Variants in MADD observed in about 807,000 individuals in gnomAD.
MADD encodes MAP kinase activating death domain, also known as MAP kinase-activating death domain protein.
In MADD, 109 loss-of-function variants were observed where a neutral mutation model predicts 176.7. The ratio of observed to expected loss-of-function variants is 0.62; its 90% confidence interval spans 0.53 to 0.72. MADD has a LOEUF of 0.72. MADD is among the 30% of genes least tolerant of loss of function. The probability of loss-of-function intolerance (pLI) is 0.00; values close to 1 mark genes in which losing one functional copy is unlikely to be tolerated. For synonymous variants in MADD, 771 were observed against 771.3 expected (o/e 1.00, Z 0.01); for missense variants, 1,914 against 2,045.5 (o/e 0.94, Z 1.24).
chr11:47,289,254 T>C lies in MADD; in HGVS notation c.2654-137T>C, dbSNP rs566338289. 8.6e-6 allele frequency: 7 copies of C among 815,786 alleles called. No homozygotes were observed. In the East Asian group the frequency reaches 1.7e-4, roughly 20 times the overall value. 50.5% of individuals were successfully genotyped at this position (815,786 alleles called of 1,614,324 possible). On this transcript the variant is annotated intron_variant, in intron 15 of 32. Coordinates refer to ENST00000402192, the Ensembl canonical transcript of MADD. ...CACATTGCCATGGCTGGTTTCTACC[T>C]ACGTATGATGCCTTGGTGCTACCCT...
chr11:47,295,632 T>C lies in MADD; in HGVS notation c.3483+56T>C, dbSNP rs1593224037. ...GTGGGTGGGGTGTGGATTTCCCCTT[T>C]GGAAAAGGGTGCTACTTTCTCTTTG... is the stretch of plus-strand genomic sequence containing the variant. On this transcript the variant is annotated intron_variant, in intron 21 of 32. Coordinates refer to ENST00000402192, the Ensembl canonical transcript of MADD. 3.1e-6 allele frequency: 5 copies of C among 1,611,724 alleles called. No individual in the cohort carries two copies. The East Asian group carries it at 1.1e-4, about 36-fold the overall frequency.
intron 25 of MADD, 64 bp downstream of exon 28, chr11:47,309,676 C>A: frequency 7.5e-7 from 1 of 1,328,662 alleles, no homozygotes; most frequent in Non-Finnish European, 1.1e-6. Flanking sequence ...GTTCCTGTCG[C>A]CTAAATTTCG....
intron 20 of MADD, among the ~76,000 whole-genome samples, chr11:47,294,996 C>T (rs371798491): frequency 1.3e-5 from 2 of 149,564 alleles, no homozygotes; most frequent in South Asian, 2.1e-4. Flanking sequence ...ACTTCTTTAA[C>T]GCATTGTTTT....
chr11:47,329,389 T>C, exon 33 of MADD: 2 of 555,686 alleles, frequency 3.6e-6, no homozygotes, highest in Non-Finnish European at 6.5e-6. Context: ...GGCTCAAGAA[T>C]GTGTACAGTC....
chr11:47,274,595 C>G, exon 3 of MADD: 2 of 1,613,966 alleles, frequency 1.2e-6, no homozygotes, highest in Non-Finnish European at 1.7e-6. Flanking sequence ...GCCCAGACTC[C>G]TGAATTGCTA....
At chr11:47,316,867 C>T (rs2093219838) in intron 27 of MADD, among the ~76,000 whole-genome samples, 4 of 151,998 alleles carry the variant, frequency 2.6e-5, no homozygotes, top group Admixed American at 2.6e-4. Flanking sequence ...CCTCAGCTGC[C>T]TGAGTAGCTG....
intron 15 of MADD, 95 bp downstream of exon 16, chr11:47,289,122 G>A (rs2063128016): frequency 1.7e-5 from 21 of 1,230,950 alleles, no homozygotes; most frequent in African/African-American, 3.1e-5. Context: ...AGCAAGCAGC[G>A]TCACATGAGT....
chr11:47,282,542 G>A, exon 9 of MADD: 2 of 1,614,186 alleles, frequency 1.2e-6, no homozygotes, highest in Non-Finnish European at 1.7e-6. Context: ...AAATTGGCCA[G>A]GACTCAGGCT....
chr11:47,290,887 C>G, intron 19 of MADD, 71 bp downstream of exon 20: 1 of 1,250,532 alleles, frequency 8.0e-7, no homozygotes, highest in Admixed American at 2.1e-5. Flanking sequence ...CTCAATTCAT[C>G]CAGAATCCTG....
At chr11:47,276,033 A>C in exon 4 of MADD, 2 of 1,614,196 alleles carry the variant, frequency 1.2e-6, no homozygotes, top group Non-Finnish European at 1.7e-6. Context: ...TCTGGGCAGA[A>C]GCGAGTAGAC....
intron 22 of MADD, 22 bp downstream of exon 24, chr11:47,296,077 A>G (rs752497659): frequency 9.3e-7 from 1 of 1,070,586 alleles, no homozygotes; most frequent in Non-Finnish European, 1.2e-6. Flanking sequence ...TTATTAACAA[A>G]AGAAAACCAT....
intron 22 of MADD, among the ~76,000 whole-genome samples, chr11:47,303,015 G>A (rs1390130828): frequency 6.6e-6 from 1 of 151,970 alleles, no homozygotes; most frequent in Non-Finnish European, 1.5e-5. Context: ...TTGTAAGGGT[G>A]TGATGACTTC....
chr11:47,313,310 C>CT (rs1215130526), intron 26 of MADD, among the ~76,000 whole-genome samples: 502 of 144,642 alleles, frequency 3.5e-3, no homozygotes, highest in East Asian at 0.011. Context: ...TATTTTCTTT[C>CT]TTTTTTTTTT....
chr11:47,308,891 GT>G, intron 23 of MADD, 88 bp from the exon 26 acceptor site: 2 of 1,310,600 alleles, frequency 1.5e-6, no homozygotes, highest in Non-Finnish European at 2.2e-6. Context: ...ACAAGATTGG[GT>G]TTTGGTGTTA....
intron 26 of MADD, among the ~76,000 whole-genome samples, chr11:47,312,548 T>C (rs1248682580): frequency 1.3e-5 from 2 of 152,196 alleles, no homozygotes; most frequent in Non-Finnish European, 2.9e-5. Context: ...TGCTTCAGCC[T>C]CCCGAGTAGC....
rs1321415343 is a variant in MADD, at chr11:47,290,908, C to T, written c.3301+92C>T. On this transcript the variant is annotated intron_variant, in intron 19 of 32. Transcript: ENST00000402192. ...TCATCCAGAATCCTGCCTTTCTCTGCCCCATGCTTTGCTTCTTAGAGAGGG... is the reference window on the plus strand; with the variant it reads ...TCATCCAGAATCCTGCCTTTCTCTGTCCCATGCTTTGCTTCTTAGAGAGGG... The T allele has an allele frequency of 2.8e-6, 3 of 1,062,590 alleles. No homozygotes were observed. In the East Asian group the frequency reaches 7.9e-5, roughly 28 times the overall value. 65.8% of individuals were successfully genotyped at this position (1,062,590 alleles called of 1,614,324 possible).
At chr11:47,289,570 CAA>C (rs1396248422) in intron 16 of MADD, 77 bp downstream of exon 17, 1 of 1,210,848 alleles carries the variant, frequency 8.3e-7, no homozygotes, top group Non-Finnish European at 1.2e-6. Context: ...TAGGGATGCT[CAA>C]GAGTGGGAGA....
chr11:47,328,757 G>T, intron 32 of MADD, 53 bp downstream of exon 36: 1 of 1,610,580 alleles, frequency 6.2e-7, no homozygotes, highest in South Asian at 1.1e-5. Flanking sequence ...CTCCCTGGGG[G>T]ACCTTCGGAC....
At chr11:47,278,845 A>G (rs1484858951) in intron 6 of MADD, among the ~76,000 whole-genome samples, 154 bp from the exon 7 acceptor site, 1 of 152,208 alleles carries the variant, frequency 6.6e-6, no homozygotes, top group Non-Finnish European at 1.5e-5. Context: ...TGTATGTCAT[A>G]TATGTGTGTA....
Sources: gnomAD v4.1 joint callset for allele counts (sites outside exome capture counted in the v4.1 genomes callset) on GRCh38, gnomAD v4.1.1 for gene constraint, MANE v1.5 for transcripts, NCBI Gene and HGNC (gene_info 2026-07-23, HGNC 2026-07-21) for gene names.